RUNDC3B: variants seen among roughly 807,000 people sequenced by gnomAD.
RUNDC3B encodes the protein RUN domain-containing protein 3B.
In RUNDC3B, 33 loss-of-function variants were observed where a neutral mutation model predicts 58.4. That is an observed-to-expected ratio of 0.56 (90% CI 0.43 to 0.75). The LOEUF is 0.75. Ranked by LOEUF, RUNDC3B falls within the 30% of genes least tolerant of loss-of-function variation. The pLI, the probability that RUNDC3B is intolerant of heterozygous loss-of-function variation, is 0.00. For synonymous variants in RUNDC3B, 193 were observed against 195.2 expected, an observed-to-expected ratio of 0.99 and a Z score of 0.10; for missense variants, 501 against 535.7, an observed-to-expected ratio of 0.94 and a Z score of 0.64.
At chr7:87,716,708 G>C (rs1229642157) in intron 4 of RUNDC3B, among the ~76,000 whole-genome samples, 1 of 152,208 alleles carries the variant, frequency 6.6e-6, no homozygotes, top group Non-Finnish European at 1.5e-5. Flanking sequence ...TGTCTAGTGA[G>C]AAGTGAAGGC....
intron 2 of RUNDC3B, among the ~76,000 whole-genome samples, chr7:87,695,761 A>G (rs906010647): frequency 5.9e-5 from 9 of 152,074 alleles, no homozygotes; most frequent in Non-Finnish European, 5.9e-5. Flanking sequence ...TTAGTAGAGA[A>G]CCACTTTAGA....
intron 10 of RUNDC3B, among the ~76,000 whole-genome samples, chr7:87,817,145 G>A (rs1563229426): frequency 6.6e-6 from 1 of 152,024 alleles, no homozygotes; most frequent in Non-Finnish European, 1.5e-5. Flanking sequence ...GTAAATATTG[G>A]CACTATAGCC....
chr7:87,789,480 A>G (rs1835409232), intron 8 of RUNDC3B, among the ~76,000 whole-genome samples: 1 of 152,216 alleles, frequency 6.6e-6, no homozygotes, highest in Non-Finnish European at 1.5e-5. Context: ...CACAAGTTTA[A>G]GATGAGTGGT....
intron 2 of RUNDC3B, among the ~76,000 whole-genome samples, chr7:87,657,555 T>C (rs966678082): frequency 2.0e-5 from 3 of 152,164 alleles, no homozygotes; most frequent in Admixed American, 6.6e-5. Context: ...CCCTCTTGGC[T>C]GGTCAAAAAC....
At chr7:87,649,721 A>G (rs1422309305) in intron 1 of RUNDC3B, among the ~76,000 whole-genome samples, 2 of 152,180 alleles carry the variant, frequency 1.3e-5, no homozygotes, top group Non-Finnish European at 2.9e-5. Flanking sequence ...CCCCATCCAA[A>G]TCTCATCTTG....
At chr7:87,651,150 A>G (rs531305325) in intron 2 of RUNDC3B, among the ~76,000 whole-genome samples, 19 of 152,322 alleles carry the variant, frequency 1.2e-4, no homozygotes, top group African/African-American at 4.6e-4. Flanking sequence ...TAATTGCCAC[A>G]TACAAGGAGA....
At chr7:87,779,743 T>C (rs564716591) in intron 8 of RUNDC3B, among the ~76,000 whole-genome samples, 1 of 152,206 alleles carries the variant, frequency 6.6e-6, no homozygotes, top group South Asian at 2.1e-4. Flanking sequence ...GTAGTGAGCA[T>C]AGTACTCAAT....
chr7:87,771,988 T>C (rs1272242694), intron 7 of RUNDC3B, among the ~76,000 whole-genome samples: 3 of 152,198 alleles, frequency 2.0e-5, no homozygotes, highest in Non-Finnish European at 4.4e-5. Context: ...ACTGCCATCA[T>C]GGCCAATTTA....
intron 4 of RUNDC3B, among the ~76,000 whole-genome samples, chr7:87,738,502 A>G (rs994909108): frequency 1.3e-5 from 2 of 152,026 alleles, no homozygotes; most frequent in African/African-American, 2.4e-5. Context: ...TACATCTGTC[A>G]GAGAGTAAAT....
intron 3 of RUNDC3B, among the ~76,000 whole-genome samples, chr7:87,701,310 AC>A (rs1829016805): frequency 6.6e-6 from 1 of 152,226 alleles, no homozygotes; most frequent in Admixed American, 6.5e-5. Context: ...GAAACAGCTG[AC>A]AGTATTTGTT....
intron 3 of RUNDC3B, among the ~76,000 whole-genome samples, chr7:87,706,385 G>C (rs1829587476): frequency 1.3e-5 from 2 of 152,140 alleles, no homozygotes; most frequent in African/African-American, 4.8e-5. Flanking sequence ...AGTAGAAGCA[G>C]AGAATTTATT....
intron 2 of RUNDC3B, among the ~76,000 whole-genome samples, chr7:87,692,133 C>G (rs1047738017): frequency 6.6e-6 from 1 of 152,098 alleles, no homozygotes; most frequent in African/African-American, 2.4e-5. Flanking sequence ...GGCTAGCATA[C>G]TAACAGCTTT....
At chr7:87,716,512 T>A (rs1184689968) in intron 4 of RUNDC3B, among the ~76,000 whole-genome samples, 1 of 152,226 alleles carries the variant, frequency 6.6e-6, no homozygotes, top group Non-Finnish European at 1.5e-5. Context: ...TTATCTCATC[T>A]TTGGGCAATG....
At chr7:87,698,862 G>T (rs1186738858) in intron 2 of RUNDC3B, among the ~76,000 whole-genome samples, 1 of 152,204 alleles carries the variant, frequency 6.6e-6, no homozygotes, top group Admixed American at 6.5e-5. Context: ...TGGGTTTCTG[G>T]AAGAGGCCTT....
At chr7:87,747,813 G>A (rs976502434) in intron 6 of RUNDC3B, among the ~76,000 whole-genome samples, 3 of 152,042 alleles carry the variant, frequency 2.0e-5, no homozygotes, top group Admixed American at 6.6e-5. Flanking sequence ...AAACCAAAAG[G>A]CCAGTCTCAC....
chr7:87,645,069 C>T (rs903012080), intron 1 of RUNDC3B, among the ~76,000 whole-genome samples: 3 of 149,646 alleles, frequency 2.0e-5, no homozygotes, highest in Non-Finnish European at 4.4e-5. Context: ...TAGTCACAAT[C>T]ATGCTTTCTT....
intron 8 of RUNDC3B, among the ~76,000 whole-genome samples, chr7:87,792,198 C>T (rs1163785998): frequency 1.3e-5 from 2 of 152,034 alleles, no homozygotes; most frequent in African/African-American, 2.4e-5. Flanking sequence ...AACACTGGAG[C>T]ACTCAGATAT....
intron 2 of RUNDC3B, among the ~76,000 whole-genome samples, chr7:87,675,203 ACC>A (rs1826205919): frequency 6.6e-6 from 1 of 151,984 alleles, no homozygotes; most frequent in African/African-American, 2.4e-5. Flanking sequence ...TCCCTCTTCC[ACC>A]CAGTGTCTGC....
intron 4 of RUNDC3B, among the ~76,000 whole-genome samples, chr7:87,717,773 A>T (rs1271944640): frequency 6.6e-6 from 1 of 152,112 alleles, no homozygotes; most frequent in Non-Finnish European, 1.5e-5. Context: ...GATAGTCCCA[A>T]TGATTTTGAA....
Sources: allele counts gnomAD v4.1 joint callset (sites outside exome capture counted in the v4.1 genomes callset), GRCh38; gene constraint gnomAD v4.1.1; transcripts MANE v1.5; gene names NCBI Gene and HGNC (gene_info 2026-07-23, HGNC 2026-07-21).